The following FRMPD4 variants were observed in gnomAD, a reference collection of about 807,000 sequenced individuals.
FRMPD4 encodes FERM and PDZ domain-containing protein 4.
A neutral mutation model predicts 94.1 loss-of-function variants in FRMPD4; 22 were observed. That is an observed-to-expected ratio of 0.23 (90% confidence interval 0.17 to 0.33). FRMPD4 has a LOEUF of 0.33. Ranked by LOEUF, FRMPD4 falls within the 10% of genes least tolerant of loss-of-function variation. The pLI, the probability that FRMPD4 is intolerant of heterozygous loss-of-function variation, is 1.00. For synonymous variants in FRMPD4, 631 were observed against 548.6 expected (o/e 1.15, Z -2.10); for missense variants, 1,111 against 1,339.9 (o/e 0.83, Z 2.67).
intron 1 of FRMPD4, among the ~76,000 whole-genome samples, chrX:12,437,416 C>T (rs1005008474): frequency 2.7e-5 from 3 of 110,407 alleles, no homozygotes; most frequent in Non-Finnish European, 5.7e-5. Flanking sequence ...TTCTTTCTTT[C>T]TTTCTTCTAC....
chrX:12,448,460 A>T (rs1010748086), intron 1 of FRMPD4, among the ~76,000 whole-genome samples: 1 of 112,452 alleles, frequency 8.9e-6, no homozygotes, highest in Admixed American at 9.4e-5. Flanking sequence ...GCTAAAATGT[A>T]CAATGTAGAC....
In FRMPD4 at chrX:12,583,970, C is replaced by T. The variant is rs763635970; in HGVS notation, c.159-25751C>T. Among the ~76,000 whole-genome samples the T allele has an allele frequency of 6.3e-5, 7 of 111,809 alleles. No homozygotes were observed. In the South Asian group the frequency reaches 2.3e-3, roughly 36 times the overall value. The stretch of plus-strand genomic sequence containing the variant: ...CACGTTCCAAAGGAGGGTCCGTATC[C>T]CCTCGGCCCTAAGGAGCAGGACCCG... On this transcript the variant is annotated intron_variant, in intron 2 of 16. Transcript: ENST00000675598.
intron 1 of FRMPD4, among the ~76,000 whole-genome samples, chrX:12,428,018 T>G (rs745839473): frequency 2.4e-3 from 236 of 98,698 alleles, no homozygotes; most frequent in African/African-American, 8.5e-3. Context: ...CACACCATTC[T>G]CCTGCCTCAG....
chrX:12,168,229 C>G (rs1223822462), intron 1 of FRMPD4, among the ~76,000 whole-genome samples: 3 of 111,556 alleles, frequency 2.7e-5, no homozygotes, highest in Non-Finnish European at 5.6e-5. Context: ...AAAACACACT[C>G]TCCTTCCTTT....
rs1004614486 is a variant in FRMPD4 at position 12,555,631 on chromosome X, C to T, written c.159-54090C>T. 1.2e-4 allele frequency among the ~76,000 whole-genome samples: 13 copies of T among 111,283 alleles called. No homozygotes were observed. In the Admixed American group the frequency reaches 1.2e-3, roughly 11 times the overall value. The stretch of plus-strand genomic sequence containing the variant: ...AAAGTAGGTACTTAGAGGCAGACAT[C>T]GCCATATATTAACTAAATAGTCCCT... On this transcript the variant is annotated intron_variant, in intron 2 of 16. Transcript: ENST00000675598.
chrX:12,694,221 GA>G, intron 8 of FRMPD4, 113 bp from the exon 9 acceptor site: 1 of 545,181 alleles, frequency 1.8e-6, no homozygotes, highest in South Asian at 3.3e-5. Context: ...AATACTAAAA[GA>G]ATATCCGCTG....
chrX:11,930,025 G>A (rs774767982), intron 3 of FRMPD4, among the ~76,000 whole-genome samples: 40 of 100,493 alleles, frequency 4.0e-4, no homozygotes, highest in African/African-American at 7.3e-4. Context: ...GGAGAATGGC[G>A]TGAACCTGGG....
chrX:12,174,683 A>G (rs1181564864), intron 1 of FRMPD4, among the ~76,000 whole-genome samples: 1 of 111,557 alleles, frequency 9.0e-6, no homozygotes, highest in Non-Finnish European at 1.9e-5. Flanking sequence ...GAGAGCCAAT[A>G]ACAAACACAG....
At chrX:12,640,941 G>A (rs1199641844) in intron 4 of FRMPD4, among the ~76,000 whole-genome samples, 1 of 111,539 alleles carries the variant, frequency 9.0e-6, no homozygotes, top group East Asian at 2.8e-4. Flanking sequence ...TAGCTGCTTG[G>A]GGAGGCTGAG....
chrX:12,716,001 T>TGGGCCCCCCCC, intron 14 of FRMPD4, 68 bp from the exon 15 acceptor site: 2 of 231,651 alleles, frequency 8.6e-6, no homozygotes, highest in Non-Finnish European at 8.2e-6. Context: ...GAGACGAGCC[T>TGGGCCCCCCCC]CCCACCCCCG....
intron 1 of FRMPD4, among the ~76,000 whole-genome samples, chrX:12,207,421 C>T (rs1387120231): frequency 9.0e-6 from 1 of 110,874 alleles, no homozygotes; most frequent in Admixed American, 9.7e-5. Context: ...GGTTCTCATT[C>T]CAATATTGGC....
At chrX:12,115,245 T>A (rs907954679) in intron 3 of FRMPD4, among the ~76,000 whole-genome samples, 4 of 112,363 alleles carry the variant, frequency 3.6e-5, no homozygotes, top group African/African-American at 1.3e-4. Flanking sequence ...TGTTTTTTAA[T>A]GAGACTAGAA....
At chrX:12,699,977 T>C (rs907840534) in intron 9 of FRMPD4, among the ~76,000 whole-genome samples, 7 of 112,128 alleles carry the variant, frequency 6.2e-5, no homozygotes, top group Non-Finnish European at 1.3e-4. Context: ...GGCAGGACCC[T>C]TTCTGGAATG....
At chrX:11,998,205 T>C (rs1170661914) in intron 3 of FRMPD4, among the ~76,000 whole-genome samples, 1 of 111,820 alleles carries the variant, frequency 8.9e-6, no homozygotes, top group Non-Finnish European at 1.9e-5. Context: ...GTTACTTATC[T>C]TTATTCCCAG....
At chrX:11,902,910 G>T (rs956662464) in intron 3 of FRMPD4, among the ~76,000 whole-genome samples, 3 of 111,945 alleles carry the variant, frequency 2.7e-5, no homozygotes, top group African/African-American at 9.8e-5. Flanking sequence ...TGGAGGCTAG[G>T]ACCACTGGGC....
At chrX:11,892,593 G>C (rs1178296665) in intron 3 of FRMPD4, among the ~76,000 whole-genome samples, 1 of 112,112 alleles carries the variant, frequency 8.9e-6, no homozygotes, top group Admixed American at 9.5e-5. Flanking sequence ...ACAGGAAATG[G>C]AGTTACCCTG....
intron 3 of FRMPD4, among the ~76,000 whole-genome samples, chrX:12,125,980 C>T (rs2055496600): frequency 8.9e-6 from 1 of 112,089 alleles, no homozygotes; most frequent in Non-Finnish European, 1.9e-5. Context: ...CAACAAGATC[C>T]ACTCAGTTAA....
intron 1 of FRMPD4, among the ~76,000 whole-genome samples, chrX:11,860,540 A>G (rs2053680396): frequency 8.9e-6 from 1 of 112,161 alleles, no homozygotes; most frequent in Non-Finnish European, 1.9e-5. Flanking sequence ...GGCAACTTAG[A>G]GCCAGTTGGC....
At chrX:11,930,436 G>A (rs1005618971) in intron 3 of FRMPD4, among the ~76,000 whole-genome samples, 1 of 110,905 alleles carries the variant, frequency 9.0e-6, no homozygotes, top group African/African-American at 3.3e-5. Flanking sequence ...TATAAGAGGA[G>A]GAGAAGAAAC....
Sources: gnomAD v4.1 joint callset for allele counts (sites outside exome capture counted in the v4.1 genomes callset) on GRCh38, gnomAD v4.1.1 for gene constraint, MANE v1.5 for transcripts, NCBI Gene and HGNC (gene_info 2026-07-23, HGNC 2026-07-21) for gene names.